The following KLHL3 variants were observed in gnomAD, a reference collection of about 807,000 sequenced individuals.
KLHL3 encodes kelch like family member 3.
Under a neutral mutation model 70.5 loss-of-function variants are expected in KLHL3, and 19 were observed. The ratio of observed to expected loss-of-function variants is 0.27; its 90% CI spans 0.19 to 0.40. KLHL3 has a LOEUF of 0.40. Among genes scored for constraint, KLHL3 ranks in the 10% least tolerant of loss-of-function variants. The pLI is 1.00. For missense variants in KLHL3, 512 were observed against 771.1 expected, an observed-to-expected ratio of 0.66 and a Z score of 3.98; for synonymous variants, 258 against 290.3, an observed-to-expected ratio of 0.89 and a Z score of 1.13.
intron 6 of KLHL3, among the ~76,000 whole-genome samples, chr5:137,663,921 G>C (rs1751549557): frequency 6.6e-6 from 1 of 152,154 alleles, no homozygotes. Context: ...GTCAGGGAAT[G>C]GCTGAAAAAG....
intron 3 of KLHL3, among the ~76,000 whole-genome samples, chr5:137,702,913 G>A (rs1315627728): frequency 1.3e-5 from 2 of 152,156 alleles, no homozygotes; most frequent in African/African-American, 4.8e-5. Flanking sequence ...AGCACACTAT[G>A]TGCACAGCTG....
intron 1 of KLHL3, among the ~76,000 whole-genome samples, chr5:137,725,851 G>C (rs868391715): frequency 9.2e-5 from 14 of 152,196 alleles, no homozygotes; most frequent in Non-Finnish European, 1.3e-4. Context: ...CAGAAAGGGT[G>C]TTGCAAATTG....
chr5:137,638,911 T>C, intron 10 of KLHL3, 42 bp downstream of exon 10: 2 of 1,576,858 alleles, frequency 1.3e-6, no homozygotes, highest in Non-Finnish European at 1.7e-6. Context: ...ATGGAGGATG[T>C]GTCCCAGGCT....
intron 4 of KLHL3, chr5:137,692,801 C>G: frequency 3.9e-6 from 1 of 254,788 alleles, no homozygotes; most frequent in Non-Finnish European, 7.6e-6. Context: ...ACAAACCACA[C>G]TTTGAGTAAC....
At chr5:137,692,547 G>T in intron 4 of KLHL3, 100 bp from the exon 5 acceptor site, 3 of 1,108,766 alleles carry the variant, frequency 2.7e-6, no homozygotes, top group Non-Finnish European at 4.0e-6. Context: ...TCTTTTCATG[G>T]CTCTCCACTG....
intron 5 of KLHL3, among the ~76,000 whole-genome samples, chr5:137,691,343 G>A (rs1305881896): frequency 2.0e-5 from 3 of 152,220 alleles, no homozygotes; most frequent in Non-Finnish European, 2.9e-5. Flanking sequence ...GGGGGTGGCT[G>A]CATGTGTATA....
In KLHL3 at chr5:137,734,041, G is replaced by A. The variant is rs113312390; in HGVS notation, c.14+1592C>T. Among the ~76,000 whole-genome samples the A allele has an allele frequency of 2.5e-4, 38 of 152,300 alleles. 2 individuals are homozygous for A. The highest frequency in any genetic ancestry group is 8.4e-4 in the African/African-American group (35 of 41,556). On this transcript the variant is annotated intron_variant, in intron 1 of 14. Coordinates refer to ENST00000309755, the MANE Select transcript of KLHL3 (RefSeq NM_017415.3). ...TAGACATCAGCCATCCCAGCTGAGA[G>A]GCCCCAGGACAGGGGCAAGGACTCA...
intron 5 of KLHL3, among the ~76,000 whole-genome samples, chr5:137,681,467 T>G (rs953661559): frequency 1.3e-5 from 2 of 152,094 alleles, no homozygotes; most frequent in South Asian, 4.2e-4. Context: ...TCAGAGCATA[T>G]GTAAAGAACA....
At chr5:137,705,504 A>C (rs999212167) in intron 3 of KLHL3, among the ~76,000 whole-genome samples, 2 of 152,220 alleles carry the variant, frequency 1.3e-5, no homozygotes, top group Non-Finnish European at 2.9e-5. Flanking sequence ...AAATCTAATA[A>C]AAACTGGACA....
chr5:137,635,992 A>G (rs1414049913), intron 11 of KLHL3, among the ~76,000 whole-genome samples: 6 of 152,192 alleles, frequency 3.9e-5, no homozygotes, highest in Non-Finnish European at 7.3e-5. Flanking sequence ...TTTAACCCCT[A>G]CTCTATTGTT....
intron 11 of KLHL3, among the ~76,000 whole-genome samples, chr5:137,636,839 C>T (rs1440041116): frequency 1.3e-5 from 2 of 152,224 alleles, no homozygotes; most frequent in African/African-American, 4.8e-5. Flanking sequence ...TGCAGAGAGT[C>T]ATCAGACCTA....
intron 4 of KLHL3, among the ~76,000 whole-genome samples, chr5:137,693,805 A>G (rs1752380336): frequency 6.6e-6 from 1 of 152,118 alleles, no homozygotes; most frequent in Non-Finnish European, 1.5e-5. Flanking sequence ...TTGCCCAGGA[A>G]GATATGGGCT....
In KLHL3 at chr5:137,637,363, T is replaced by G. The variant is rs1750794496; in HGVS notation, c.1252A>C (p.Thr418Pro). The G allele has an allele frequency of 6.2e-7, 1 of 1,614,000 alleles. No individual in the cohort carries two copies. The highest frequency in any genetic ancestry group is 8.5e-7 in the Non-Finnish European group (1 of 1,179,892). ...LASVEAYSYK[T>P]NEWFFVAPMN... The stretch of plus-strand genomic sequence containing the variant: ...GGGGCCACAAAGAACCACTCGTTGG[T>G]CTTGTAGCTGTAGGCTTCCACCGAT... Residue 418 changes from threonine (T) to proline (P), a missense_variant, in exon 11 of 15, where the codon ACC becomes CCC. Physicochemically the swap from Thr to Pro is conservative, Grantham distance 38 (BLOSUM62 -1). Transcript: ENST00000309755.
At chr5:137,701,852 G>C (rs2949465) in intron 3 of KLHL3, among the ~76,000 whole-genome samples, 118,833 of 152,178 alleles carry the variant, frequency 0.78, 46,630 homozygotes, top group East Asian at 0.98. Flanking sequence ...CTCTTCCCAA[G>C]AGGCCCAGAC....
intron 13 of KLHL3, 83 bp from the exon 14 acceptor site, chr5:137,625,979 GC>G: frequency 6.5e-7 from 1 of 1,536,918 alleles, no homozygotes; most frequent in Non-Finnish European, 8.9e-7. Flanking sequence ...AATCTGGATA[GC>G]CTGGGAGGCT....
intron 6 of KLHL3, among the ~76,000 whole-genome samples, chr5:137,666,262 T>C (rs1487602890): frequency 6.6e-6 from 1 of 152,144 alleles, no homozygotes; most frequent in Non-Finnish European, 1.5e-5. Context: ...GGAATCTTAG[T>C]GGGTAAGGCA....
intron 12 of KLHL3, among the ~76,000 whole-genome samples, chr5:137,632,872 T>G (rs138295274): frequency 6.4e-4 from 97 of 152,190 alleles, no homozygotes; most frequent in African/African-American, 2.1e-3. Context: ...TTTCTCAAAA[T>G]AAGGCATGCC....
rs1471723851 is a variant in KLHL3 at position 137,698,387 on chromosome 5, G to C, written c.263C>G (p.Ala88Gly). The C allele has an allele frequency of 6.2e-7, 1 of 1,614,046 alleles. No individual in the cohort carries two copies. Among genetic ancestry groups the C allele is most frequent in the African/African-American group, 1.3e-5 (1 of 74,990 alleles). The change falls in exon 4 of 15, where the codon GCC becomes GGC. Residue 88 changes from alanine (A) to glycine (G), a missense_variant. Ala to Gly is a moderately conservative substitution (Grantham distance 60). Transcript: ENST00000309755. Reference sequence around the variant, plus strand: ...CACGTCCTTGATTTCTATCTTTTTGGCTTTACTCTCAGACATGTCACCTAG... The same window carrying C: ...CACGTCCTTGATTTCTATCTTTTTGCCTTTACTCTCAGACATGTCACCTAG... ...MFTGDMSESK[A>G]KKIEIKDVDG...
chr5:137,692,542 T>C, intron 4 of KLHL3, 95 bp from the exon 5 acceptor site: 2 of 1,213,634 alleles, frequency 1.6e-6, no homozygotes, highest in South Asian at 1.4e-5. Flanking sequence ...CAAGATCTTT[T>C]CATGGCTCTC....
Sources: allele counts gnomAD v4.1 joint callset (sites outside exome capture counted in the v4.1 genomes callset), GRCh38; gene constraint gnomAD v4.1.1; transcripts MANE v1.5; gene names NCBI Gene and HGNC (gene_info 2026-07-23, HGNC 2026-07-21).